Variants in ITM2B observed in about 807,000 individuals in gnomAD.
The protein encoded by ITM2B is integral membrane protein 2B.
Under a neutral mutation model 27.8 loss-of-function variants are expected in ITM2B, and 11 were observed. That is an observed-to-expected ratio of 0.40 (90% CI 0.25 to 0.66). The LOEUF is 0.66. Among genes scored for constraint, ITM2B ranks in the 30% least tolerant of loss-of-function variants. The pLI is 0.43. For synonymous variants in ITM2B, 114 were observed against 114.3 expected (o/e 1.00, Z 0.02); for missense variants, 296 against 328.9 (o/e 0.90, Z 0.77).
chr13:48,236,795 A>G (rs895336055), intron 1 of ITM2B, among the ~76,000 whole-genome samples: 3 of 152,212 alleles, frequency 2.0e-5, no homozygotes, highest in Admixed American at 2.0e-4. Context: ...TTCCAGTATC[A>G]GGCCACAGAA....
At chr13:48,245,533 A>G (rs1304783418) in intron 1 of ITM2B, among the ~76,000 whole-genome samples, 1 of 151,604 alleles carries the variant, frequency 6.6e-6, no homozygotes, top group East Asian at 1.9e-4. Context: ...TGCGTTGATA[A>G]TCTGCCTGTT....
At chr13:48,258,534 A>AG (rs1951803168) in intron 4 of ITM2B, among the ~76,000 whole-genome samples, 1 of 152,200 alleles carries the variant, frequency 6.6e-6, no homozygotes, top group Non-Finnish European at 1.5e-5. Flanking sequence ...TTCCAAAAAA[A>AG]ATTCTACTTA....
At chr13:48,234,093 C>T (rs1019488902) in intron 1 of ITM2B, among the ~76,000 whole-genome samples, 1 of 152,184 alleles carries the variant, frequency 6.6e-6, no homozygotes, top group Non-Finnish European at 1.5e-5. Flanking sequence ...CTGTCTCTTA[C>T]CATTACTAGT....
intron 3 of ITM2B, among the ~76,000 whole-genome samples, chr13:48,257,033 A>T (rs1951793802): frequency 6.6e-6 from 1 of 152,224 alleles, no homozygotes. Flanking sequence ...TGCATATAGT[A>T]CCAAACCCTG....
chr13:48,259,024 T>C (rs1951806700), intron 5 of ITM2B, 77 bp downstream of exon 5: 2 of 1,028,356 alleles, frequency 1.9e-6, no homozygotes, highest in East Asian at 2.5e-5. Context: ...AGCCTAGTCA[T>C]TGTTACCAAT....
At position 48,266,198 on chromosome 13, in the gene ITM2B, T is replaced by G. The variant is rs931950439; in HGVS notation, c.*4974T>G. 2.6e-5 allele frequency: 4 copies of G among 152,236 alleles called. No individual in the cohort carries two copies. The highest frequency in any genetic ancestry group is 5.9e-5 in the Non-Finnish European group (4 of 68,088). The allele number at this position is 152,236 out of a possible 1,614,324, so 9.4% of individuals were successfully genotyped here. ...CTGCACTTAAGAGAAAATCCTTTTT[T>G]CAAGCCCTAAAATCCTGCCCTCACT... On this transcript the variant is annotated 3_prime_UTR_variant, in exon 6 of 6. Transcript: ENST00000647800.
intron 1 of ITM2B, among the ~76,000 whole-genome samples, chr13:48,251,722 A>T (rs1951757277): frequency 6.6e-6 from 1 of 152,232 alleles, no homozygotes; most frequent in South Asian, 2.1e-4. Flanking sequence ...CTGTCCCAGC[A>T]GCTGATACCA....
At chr13:48,252,083 C>T (rs1375068189) in intron 1 of ITM2B, among the ~76,000 whole-genome samples, 1 of 152,164 alleles carries the variant, frequency 6.6e-6, no homozygotes, top group African/African-American at 2.4e-5. Context: ...TGCACTGATT[C>T]TTAGAATACA....
chr13:48,248,400 T>G (rs2137986684), intron 1 of ITM2B, among the ~76,000 whole-genome samples: 1 of 152,214 alleles, frequency 6.6e-6, no homozygotes, highest in African/African-American at 2.4e-5. Context: ...CCTCCCAAAG[T>G]GCTGAGAGTA....
At chr13:48,237,037 T>C (rs978169659) in intron 1 of ITM2B, among the ~76,000 whole-genome samples, 4 of 152,244 alleles carry the variant, frequency 2.6e-5, no homozygotes, top group Non-Finnish European at 4.4e-5. Context: ...CCTGGTTCTT[T>C]ACCCTTTCTG....
chr13:48,234,095 A>T (rs114336391), intron 1 of ITM2B, among the ~76,000 whole-genome samples: 1,716 of 152,252 alleles, frequency 0.011, 42 homozygotes, highest in African/African-American at 0.039. Flanking sequence ...GTCTCTTACC[A>T]TTACTAGTAA....
In ITM2B at chr13:48,264,709, C is replaced by T. The variant is rs1951842665; in HGVS notation, c.*3485C>T. 1 of 152,148 alleles carries T rather than the reference C, an allele frequency of 6.6e-6. No homozygotes were observed. The highest frequency in any genetic ancestry group is 1.5e-5 in the Non-Finnish European group (1 of 68,020). 9.4% of individuals were successfully genotyped at this position (152,148 alleles called of 1,614,324 possible). ...TTAGAAAAAGAACATTTCTTCATTT[C>T]CACAAAGCTACACAGCCATCAGTTC... On this transcript the variant is annotated 3_prime_UTR_variant, in exon 6 of 6. Coordinates refer to ENST00000647800, the MANE Select transcript of ITM2B (RefSeq NM_021999.5).
chr13:48,240,184 G>A (rs138195604), intron 1 of ITM2B, among the ~76,000 whole-genome samples: 60 of 152,246 alleles, frequency 3.9e-4, no homozygotes, highest in African/African-American at 1.4e-3. Context: ...TTAAAAATTA[G>A]TAGATTTCAG....
chr13:48,252,775 C>A (rs1374878633), intron 1 of ITM2B, among the ~76,000 whole-genome samples: 1 of 152,220 alleles, frequency 6.6e-6, no homozygotes, highest in Non-Finnish European at 1.5e-5. Flanking sequence ...AGGACAGAGT[C>A]ATGTACTTCA....
At chr13:48,241,930 G>A (rs75506308) in intron 1 of ITM2B, among the ~76,000 whole-genome samples, 253 of 152,222 alleles carry the variant, frequency 1.7e-3, no homozygotes, top group African/African-American at 5.7e-3. Flanking sequence ...CCCCCTGAAC[G>A]GGTGTGTTCC....
At chr13:48,237,485 A>G (rs1951674515) in intron 1 of ITM2B, among the ~76,000 whole-genome samples, 1 of 152,234 alleles carries the variant, frequency 6.6e-6, no homozygotes, top group African/African-American at 2.4e-5. Context: ...TAGTCTTCCC[A>G]ACTAGACAGA....
chr13:48,241,320 T>C (rs1951699024), intron 1 of ITM2B, among the ~76,000 whole-genome samples: 1 of 152,228 alleles, frequency 6.6e-6, no homozygotes, highest in African/African-American at 2.4e-5. Context: ...CAAGTGATTC[T>C]CCTGCCTCAG....
chr13:48,245,880 G>A (rs1385866777), intron 1 of ITM2B, among the ~76,000 whole-genome samples: 1 of 151,336 alleles, frequency 6.6e-6, no homozygotes, highest in Non-Finnish European at 1.5e-5. Context: ...CTGGGTTCAC[G>A]CCATTCTCCT....
At chr13:48,235,469 T>A (rs1393787934) in intron 1 of ITM2B, among the ~76,000 whole-genome samples, 2 of 152,252 alleles carry the variant, frequency 1.3e-5, no homozygotes, top group African/African-American at 4.8e-5. Context: ...ACTAATTCTT[T>A]TTCCAGCTAT....
Sources: allele counts gnomAD v4.1 joint callset (sites outside exome capture counted in the v4.1 genomes callset), GRCh38; gene constraint gnomAD v4.1.1; transcripts MANE v1.5; gene names NCBI Gene and HGNC (gene_info 2026-07-23, HGNC 2026-07-21).